KLHL22: variants seen among roughly 807,000 people sequenced by gnomAD.
The protein encoded by KLHL22 is kelch like family member 22.
Under a neutral mutation model 60.7 loss-of-function variants are expected in KLHL22, and 18 were observed. The observed-to-expected ratio is 0.30, with a 90% CI of 0.20 to 0.44. KLHL22 has a LOEUF of 0.44. Among genes scored for constraint, KLHL22 ranks in the 20% least tolerant of loss-of-function variants. KLHL22 has a pLI of 1.00. For synonymous variants in KLHL22, 355 were observed against 354.5 expected (o/e 1.00, Z -0.01); for missense variants, 596 against 852.3 (o/e 0.70, Z 3.74).
chr22:20,476,975 G>A (rs992744888), intron 2 of KLHL22, among the ~76,000 whole-genome samples: 1 of 151,316 alleles, frequency 6.6e-6, no homozygotes, highest in African/African-American at 2.4e-5. Context: ...CCATAGTGCT[G>A]GATTACAGGT....
At chr22:20,475,417 G>A (rs998904854) in intron 2 of KLHL22, 9 of 152,002 alleles carry the variant, frequency 5.9e-5, no homozygotes, top group East Asian at 3.8e-4. Flanking sequence ...AAACATTTCC[G>A]ATATTTTCCT....
chr22:20,485,872 C>T (rs1352767655), intron 2 of KLHL22, among the ~76,000 whole-genome samples: 3 of 137,268 alleles, frequency 2.2e-5, no homozygotes, highest in Admixed American at 1.5e-4. Flanking sequence ...CATCTCAAAA[C>T]AAACAAACAA....
chr22:20,491,916 TC>T (rs951587679), intron 1 of KLHL22: 1 of 152,134 alleles, frequency 6.6e-6, no homozygotes, highest in African/African-American at 2.4e-5. Flanking sequence ...CCTTTCCCCC[TC>T]CTGGGCTGGC....
At chr22:20,442,792 A>G (rs1427658776) in intron 6 of KLHL22, among the ~76,000 whole-genome samples, 1 of 152,206 alleles carries the variant, frequency 6.6e-6, no homozygotes, top group Non-Finnish European at 1.5e-5. Flanking sequence ...GTCATTCCCC[A>G]TGTCTGAGGG....
At chr22:20,460,231 A>C (rs899363556) in intron 4 of KLHL22, among the ~76,000 whole-genome samples, 2 of 152,158 alleles carry the variant, frequency 1.3e-5, no homozygotes, top group Non-Finnish European at 2.9e-5. Flanking sequence ...AGGACCCTCC[A>C]TGTGCTCCTG....
At chr22:20,484,884 C>T (rs960878115) in intron 2 of KLHL22, among the ~76,000 whole-genome samples, 2 of 151,662 alleles carry the variant, frequency 1.3e-5, no homozygotes, top group Admixed American at 6.6e-5. Context: ...CTATAGGCCA[C>T]GCCACCATGC....
chr22:20,457,662 C>A, intron 5 of KLHL22, 146 bp downstream of exon 5: 1 of 649,034 alleles, frequency 1.5e-6, no homozygotes, highest in South Asian at 1.9e-5. Context: ...GCATTCAATG[C>A]AGGGTCTCTG....
At chr22:20,489,811 G>A in intron 1 of KLHL22, 1 of 471,026 alleles carries the variant, frequency 2.1e-6, no homozygotes, top group Non-Finnish European at 4.4e-6. Flanking sequence ...TCTGGGAGGT[G>A]GGTGCCAAGG....
At chr22:20,477,219 C>A (rs2053429523) in intron 2 of KLHL22, among the ~76,000 whole-genome samples, 1 of 151,502 alleles carries the variant, frequency 6.6e-6, no homozygotes, top group African/African-American at 2.4e-5. Context: ...ATGGTGAAAC[C>A]TCATCTCTAC....
chr22:20,487,894 T>C (rs1480404521), intron 2 of KLHL22, among the ~76,000 whole-genome samples: 2 of 152,144 alleles, frequency 1.3e-5, no homozygotes, highest in South Asian at 2.1e-4. Flanking sequence ...TCCTCTCCTA[T>C]ACAGGTCCTA....
intron 5 of KLHL22, among the ~76,000 whole-genome samples, chr22:20,453,336 G>C (rs954926490): frequency 4.0e-5 from 6 of 151,762 alleles, no homozygotes; most frequent in Non-Finnish European, 8.8e-5. Context: ...TATGGTATGA[G>C]ACTTGGGTTG....
intron 3 of KLHL22, among the ~76,000 whole-genome samples, chr22:20,470,863 CATGCATGG>C (rs1012472977): frequency 7.0e-6 from 1 of 143,502 alleles, no homozygotes; most frequent in African/African-American, 2.9e-5. Flanking sequence ...TGGATGCGTG[CATGCATGG>C]ATGGATGGAT....
rs1045270386 is a variant in KLHL22, at chr22:20,483,113, G to T, written c.227+5872C>A. On this transcript the variant is annotated intron_variant, in intron 2 of 6. Coordinates refer to ENST00000328879, the MANE Select transcript of KLHL22 (RefSeq NM_032775.4). ...CCCATTGAGCTGCTCCATCTACAGG[G>T]CATAGAAGGCCTCCACCTCCCTGAG... 4.7e-6 allele frequency: 3 copies of T among 641,666 alleles called. No homozygotes were observed. The African/African-American group carries it at 5.4e-5, about 12-fold the overall frequency. The allele number at this position is 641,666 out of a possible 1,614,324, so 39.7% of individuals were successfully genotyped here. A position where few individuals can be genotyped will look rare whatever the true frequency, so the allele number is the denominator to read the frequency against.
At chr22:20,486,941 G>A (rs943796820) in intron 2 of KLHL22, among the ~76,000 whole-genome samples, 62 of 150,716 alleles carry the variant, frequency 4.1e-4, no homozygotes, top group African/African-American at 1.4e-3. Context: ...TTGGCCTCCC[G>A]AAGTGCTGGA....
chr22:20,488,903 C>A, intron 2 of KLHL22, 82 bp downstream of exon 2: 1 of 1,350,204 alleles, frequency 7.4e-7, no homozygotes, highest in South Asian at 1.3e-5. Flanking sequence ...AGGAGACCAG[C>A]CACTGTCACC....
chr22:20,478,858 G>A (rs1227505049), intron 2 of KLHL22, among the ~76,000 whole-genome samples: 9 of 150,636 alleles, frequency 6.0e-5, no homozygotes, highest in Non-Finnish European at 1.0e-4. Context: ...GGCTGGGCGC[G>A]GTGGCTCATG....
chr22:20,467,430 C>T (rs1281128429), intron 3 of KLHL22, among the ~76,000 whole-genome samples: 2 of 152,212 alleles, frequency 1.3e-5, no homozygotes, highest in Non-Finnish European at 2.9e-5. Flanking sequence ...CTAATAAACG[C>T]TCTGGCCAGA....
intron 5 of KLHL22, among the ~76,000 whole-genome samples, chr22:20,449,067 T>C (rs1281907687): frequency 3.3e-5 from 5 of 150,212 alleles, no homozygotes; most frequent in Admixed American, 6.6e-5. Context: ...TTTGTTTTGT[T>C]TGTTTTTTTT....
intron 4 of KLHL22, among the ~76,000 whole-genome samples, chr22:20,458,254 C>T (rs1469759986): frequency 6.6e-6 from 1 of 151,116 alleles, no homozygotes; most frequent in African/African-American, 2.4e-5. Flanking sequence ...TAACTGTCCA[C>T]CTGGGCTGTC....
Sources: gnomAD v4.1 joint callset for allele counts (sites outside exome capture counted in the v4.1 genomes callset) on GRCh38, gnomAD v4.1.1 for gene constraint, MANE v1.5 for transcripts, NCBI Gene and HGNC (gene_info 2026-07-23, HGNC 2026-07-21) for gene names.